Variants in MED27 observed in about 807,000 individuals in gnomAD.
MED27 encodes mediator complex subunit 27.
Under a neutral mutation model 38.2 loss-of-function variants are expected in MED27, and 30 were observed. The ratio of observed to expected loss-of-function variants is 0.79; its 90% confidence interval spans 0.59 to 1.07. MED27 has a LOEUF of 1.07. Ranked by LOEUF, MED27 falls within the 50% of genes least tolerant of loss-of-function variation. MED27 has a pLI of 0.00. For missense variants in MED27, 289 were observed against 397.5 expected (o/e 0.73, Z 2.32); for synonymous variants, 122 against 153.5 (o/e 0.79, Z 1.52).
chr9:131,882,989 C>T (rs1839074596), intron 6 of MED27, among the ~76,000 whole-genome samples: 2 of 151,810 alleles, frequency 1.3e-5, no homozygotes. Flanking sequence ...CTCACTGCAA[C>T]CTCTGTCTCC....
chr9:132,013,342 C>T (rs1399513376), intron 3 of MED27, among the ~76,000 whole-genome samples: 2 of 152,136 alleles, frequency 1.3e-5, no homozygotes, highest in African/African-American at 2.4e-5. Flanking sequence ...TGCATGATTC[C>T]GTTTAAATGA....
intron 3 of MED27, among the ~76,000 whole-genome samples, chr9:131,994,629 T>A (rs563752559): frequency 1.2e-4 from 19 of 152,220 alleles, no homozygotes; most frequent in African/African-American, 4.3e-4. Flanking sequence ...CAGAACAATA[T>A]GGCCTCAGGT....
At chr9:131,864,071 T>C (rs995178486) in intron 6 of MED27, among the ~76,000 whole-genome samples, 8 of 152,216 alleles carry the variant, frequency 5.3e-5, no homozygotes, top group African/African-American at 1.9e-4. Flanking sequence ...GAATTGTTAA[T>C]GCCCGCCGTC....
chr9:131,889,633 T>C lies in MED27; in HGVS notation c.681+4252A>G, dbSNP rs189528601. Among the ~76,000 whole-genome samples, 21 of 152,172 alleles carry C rather than the reference T, an allele frequency of 1.4e-4. No individual in the cohort carries two copies. Among genetic ancestry groups the C allele is most frequent in the Admixed American group, 2.6e-4 (4 of 15,294 alleles). The stretch of plus-strand genomic sequence containing the variant: ...ATGCTAGGGTCATGGCGGTGGTTGT[T>C]AGAGCAAAGTGCAAAGTGCAAAGTG... On this transcript the variant is annotated intron_variant, in intron 5 of 7. Coordinates refer to ENST00000292035, the MANE Select transcript of MED27 (RefSeq NM_004269.4). This position sits in a 1 kb window ranked among gnomAD's most constrained non-coding sequence, Gnocchi z 4.2.
chr9:132,066,569 A>T (rs1833814223), intron 2 of MED27, among the ~76,000 whole-genome samples: 1 of 152,274 alleles, frequency 6.6e-6, no homozygotes, highest in Admixed American at 6.5e-5. Context: ...AAGGAAAAGC[A>T]GAAGCTGAGC....
rs896243216 is a variant in MED27, at chr9:131,917,212, T to C, written c.573+22169A>G. ...TTCTGCAATACGCTGGCCAGTTCCA[T>C]AGACTGGAACTGAAATTGTTCCATC... On this transcript the variant is annotated intron_variant, in intron 4 of 7. Transcript: ENST00000292035. This position sits in a 1 kb window ranked among gnomAD's most constrained non-coding sequence, Gnocchi z 4.6. 1.3e-5 allele frequency among the ~76,000 whole-genome samples: 2 copies of C among 152,120 alleles called. No homozygotes were observed. Among genetic ancestry groups the C allele is most frequent in the African/African-American group, 4.8e-5 (2 of 41,428 alleles).
intron 3 of MED27, among the ~76,000 whole-genome samples, chr9:131,962,677 A>C (rs1245892922): frequency 3.3e-5 from 5 of 152,224 alleles, no homozygotes; most frequent in African/African-American, 1.2e-4. Flanking sequence ...ATTTTCAAAC[A>C]CAGATTCAAG....
At chr9:131,866,769 C>T (rs1046963447) in intron 6 of MED27, among the ~76,000 whole-genome samples, 1 of 152,224 alleles carries the variant, frequency 6.6e-6, no homozygotes, top group Non-Finnish European at 1.5e-5. Flanking sequence ...TGCCATCGTT[C>T]AACTAGAAAC....
intron 4 of MED27, among the ~76,000 whole-genome samples, chr9:131,930,717 A>T (rs1305778669): frequency 6.6e-6 from 1 of 152,208 alleles, no homozygotes; most frequent in African/African-American, 2.4e-5. Context: ...AAAAACACGT[A>T]ATATTATGAT....
Position 131,997,020 on chromosome 9 carries a change from T to C in MED27, c.479+17317A>G, listed in dbSNP as rs1832106045. Among the ~76,000 whole-genome samples, 1 of 152,160 alleles carries C rather than the reference T, an allele frequency of 6.6e-6. No individual in the cohort carries two copies. Among genetic ancestry groups the C allele is most frequent in the Admixed American group, 6.5e-5 (1 of 15,276 alleles). ...CAAAAGTCACGCACATTTTTGACTA[T>C]GGTGGGGGATGGGTACCCCTAACGC... is the stretch of plus-strand genomic sequence containing the variant. On this transcript the variant is annotated intron_variant, in intron 3 of 7. Transcript: ENST00000292035. The surrounding 1 kb of genome is among the most constrained non-coding windows in gnomAD (Gnocchi z 4.0).
chr9:131,908,127 G>C (rs1015937812), intron 4 of MED27, among the ~76,000 whole-genome samples: 2 of 110,572 alleles, frequency 1.8e-5, no homozygotes, highest in Non-Finnish European at 4.6e-5. Context: ...GGAGGGAGGT[G>C]GGGGGGTCAG....
In MED27 at chr9:131,928,993, A is replaced by G. The variant is rs1830530598; in HGVS notation, c.573+10388T>C. 3.9e-5 allele frequency among the ~76,000 whole-genome samples: 6 copies of G among 152,350 alleles called. 1 individual carries two copies. In the South Asian group the frequency reaches 1.2e-3, roughly 32 times the overall value. ...TCTTCTTGAGGACAGGAGAGCGAAG[A>G]GTAAAGAGGACTTCGTCTTGCATCT... On this transcript the variant is annotated intron_variant, in intron 4 of 7. Transcript: ENST00000292035.
At chr9:131,998,550 C>G (rs561348850) in intron 3 of MED27, among the ~76,000 whole-genome samples, 5 of 152,298 alleles carry the variant, frequency 3.3e-5, no homozygotes, top group African/African-American at 1.2e-4. Flanking sequence ...TACTACCCAA[C>G]GATGTCAGAG....
In MED27 at chr9:131,860,642, G is replaced by C. The variant is rs376537157; in HGVS notation, c.832C>G (p.Gln278Glu). The C allele has an allele frequency of 2.3e-5, 37 of 1,613,214 alleles. No homozygotes were observed. Among genetic ancestry groups the C allele is most frequent in the Non-Finnish European group, 3.1e-5 (36 of 1,179,728 alleles). The change falls in exon 8 of 8, where the codon CAG (glutamine) becomes GAG (glutamate). Residue 278 changes from glutamine (Q) to glutamate (E), a missense_variant. Transcript: ENST00000292035. The surrounding 1 kb of genome is among the most constrained non-coding windows in gnomAD (Gnocchi z 5.8). ...TTCCCGCAGCGCTGGCACGGGGCCT[G>C]GAACAGCTTTATGTAACTTCTTAAC... is the stretch of plus-strand genomic sequence containing the variant. ...TWLRSYIKLF[Q>E]APCQRCGKFL...
intron 2 of MED27, among the ~76,000 whole-genome samples, chr9:132,015,702 T>G (rs1267038656): frequency 6.6e-6 from 1 of 152,222 alleles, no homozygotes; most frequent in Non-Finnish European, 1.5e-5. Context: ...TAAATGAAGT[T>G]TATATCCAAT....
At chr9:131,971,255 C>T (rs371580070) in intron 3 of MED27, among the ~76,000 whole-genome samples, 1 of 152,192 alleles carries the variant, frequency 6.6e-6, no homozygotes, top group Non-Finnish European at 1.5e-5. Context: ...ACACCTGACA[C>T]ACTGTGAAGA....
intron 2 of MED27, 86 bp downstream of exon 2, chr9:132,077,356 A>C (rs573072342): frequency 1.5e-6 from 2 of 1,334,266 alleles, no homozygotes; most frequent in African/African-American, 1.5e-5. Context: ...AAAAGCAATA[A>C]AAACATACTC....
chr9:132,000,992 TGGGA>T (rs1383005467), intron 3 of MED27, among the ~76,000 whole-genome samples: 4 of 151,924 alleles, frequency 2.6e-5, no homozygotes, highest in African/African-American at 9.7e-5. Context: ...CTCAGCTACT[TGGGA>T]GGCTGAGGCA....
At chr9:131,965,173 C>A (rs947112760) in intron 3 of MED27, among the ~76,000 whole-genome samples, 2 of 152,204 alleles carry the variant, frequency 1.3e-5, no homozygotes, top group African/African-American at 4.8e-5. Context: ...GCTTAAAGTG[C>A]TGATTTTAAC....
Sources: gnomAD v4.1 joint callset for allele counts (sites outside exome capture counted in the v4.1 genomes callset) on GRCh38, gnomAD v4.1.1 for gene constraint, Gnocchi (gnomAD v3.1) non-coding constraint, MANE v1.5 for transcripts, NCBI Gene and HGNC (gene_info 2026-07-23, HGNC 2026-07-21) for gene names.